The following DENND1C variants were observed in gnomAD, a reference collection of about 807,000 sequenced individuals.
DENND1C encodes the protein DENN domain containing 1C.
DENND1C carries 64 observed loss-of-function variants against 87.9 expected under a neutral mutation model. The observed-to-expected ratio is 0.73, with a 90% confidence interval of 0.60 to 0.90. The LOEUF is 0.90. Among genes scored for constraint, DENND1C ranks in the 40% least tolerant of loss-of-function variants. DENND1C has a pLI of 0.00. For missense variants in DENND1C, 980 were observed against 1,037.0 expected, an observed-to-expected ratio of 0.95 and a Z score of 0.76; for synonymous variants, 384 against 424.4, an observed-to-expected ratio of 0.90 and a Z score of 1.17.
intron 17 of DENND1C, 59 bp from the exon 18 acceptor site, chr19:6,470,425 C>T: frequency 6.5e-7 from 1 of 1,546,370 alleles, no homozygotes; most frequent in South Asian, 1.2e-5. Flanking sequence ...CTCCCCATCC[C>T]AGGTTGTGTG....
chr19:6,480,217 T>G, intron 1 of DENND1C, 166 bp from the exon 2 acceptor site: 1 of 1,466,176 alleles, frequency 6.8e-7, no homozygotes, highest in African/African-American at 1.4e-5. Context: ...TGAGGCTGTG[T>G]GTGCAGCAGT....
rs746111504 is a variant in DENND1C, at chr19:6,477,278, G to T, written c.453C>A (p.Ser151Arg). 4.4e-6 allele frequency: 7 copies of T among 1,590,174 alleles called. No individual in the cohort carries two copies. The highest frequency in any genetic ancestry group is 6.0e-6 in the Non-Finnish European group (7 of 1,164,788). ...CCTGCCCGCTGGAGACCGTCACTCC[G>T]CTGCCCTGGGGAAGAGGCACGACTC... ...PQASVGLELG[S>R]GVTVSSGQGI... The change falls in exon 8 of 23, where the codon AGC (serine) becomes AGA (arginine). Residue 151 changes from serine (S) to arginine (R), a missense_variant. By Grantham distance (110) the Ser-to-Arg change is moderately radical (BLOSUM62 -1). Coordinates refer to ENST00000381480, the MANE Select transcript of DENND1C (RefSeq NM_024898.4).
rs760845169 is a variant in DENND1C, at chr19:6,475,355, G to A, written c.972C>T (p.Pro324=). ...GGAAGAGACGGGACACCCCTTCCCCGGGGGCCAGGGCGACCTTCCTGAGCC... is the reference window on the plus strand; with the variant it reads ...GGAAGAGACGGGACACCCCTTCCCCAGGGGCCAGGGCGACCTTCCTGAGCC... ...RLRLRKVALA[P]GEGVSRLFLK... The change falls in exon 14 of 23, where the codon CCC becomes CCT. Residue 324 remains proline (P), a synonymous_variant. Coordinates refer to ENST00000381480, the MANE Select transcript of DENND1C (RefSeq NM_024898.4). 4 of 1,612,124 alleles carry A rather than the reference G, an allele frequency of 2.5e-6. No homozygotes were observed. Among genetic ancestry groups the A allele is most frequent in the African/African-American group, 1.3e-5 (1 of 75,008 alleles).
intron 18 of DENND1C, chr19:6,470,017 A>T: frequency 2.3e-6 from 1 of 439,656 alleles, no homozygotes; most frequent in Non-Finnish European, 4.1e-6. Flanking sequence ...AAGGACAAAA[A>T]GAATGTTTGC....
chr19:6,481,276 C>A (rs547860295), intron 1 of DENND1C, among the ~76,000 whole-genome samples: 1 of 151,848 alleles, frequency 6.6e-6, no homozygotes, highest in African/African-American at 2.4e-5. Flanking sequence ...CATGGGTACC[C>A]CAGCACTTCA....
At chr19:6,469,029 G>A (rs2092813438) in intron 19 of DENND1C, 76 bp from the exon 20 acceptor site, 5 of 832,396 alleles carry the variant, frequency 6.0e-6, no homozygotes, top group Non-Finnish European at 8.0e-6. Flanking sequence ...TCTTTAGTTA[G>A]TCTTTTTTTT....
chr19:6,475,013 GGAACAGAGT>G (rs1198874212), intron 14 of DENND1C, among the ~76,000 whole-genome samples: 3 of 151,796 alleles, frequency 2.0e-5, no homozygotes, highest in African/African-American at 7.3e-5. Context: ...TCCAGCCTGG[GGAACAGAGT>G]GAAACTCTGT....
intron 1 of DENND1C, chr19:6,480,472 A>G (rs1167339756): frequency 4.1e-6 from 4 of 984,444 alleles, no homozygotes; most frequent in Admixed American, 6.2e-5. Context: ...CTCTATATAT[A>G]TATCCATCTA....
At chr19:6,471,230 C>A in intron 17 of DENND1C, 35 bp downstream of exon 17, 1 of 1,562,878 alleles carries the variant, frequency 6.4e-7, no homozygotes, top group East Asian at 2.4e-5. Flanking sequence ...CAGGCCTAAG[C>A]CAACGCCCAC....
At position 6,480,539 on chromosome 19, in the gene DENND1C, C is replaced by T. The variant is rs559024275; in HGVS notation, c.18-488G>A. The T allele has an allele frequency of 3.7e-3, 3,044 of 833,308 alleles. 13 individuals are homozygous for T. The highest frequency in any genetic ancestry group is 4.1e-3 in the Non-Finnish European group (2,831 of 692,784). The allele number at this position is 833,308 out of a possible 1,614,324, so 51.6% of individuals were successfully genotyped here. A position where few individuals can be genotyped will look rare whatever the true frequency, so the allele number is the denominator to read the frequency against. On this transcript the variant is annotated intron_variant, in intron 1 of 22. Coordinates refer to ENST00000381480, the MANE Select transcript of DENND1C (RefSeq NM_024898.4). ...CCATCCATCCATCCACCCACCCACC[C>T]ACCTATCCATCCACCCACCCACCTA...
At chr19:6,471,677 C>G (rs1318023194) in intron 15 of DENND1C, among the ~76,000 whole-genome samples, 181 bp from the exon 16 acceptor site, 1 of 152,176 alleles carries the variant, frequency 6.6e-6, no homozygotes, top group Non-Finnish European at 1.5e-5. Flanking sequence ...TGGAGTTGCT[C>G]TGGCACCCAG....
At position 6,480,260 on chromosome 19, in the gene DENND1C, A is replaced by C. The variant is rs867968587; in HGVS notation, c.18-209T>G. 54 of 1,438,676 alleles carry C rather than the reference A, an allele frequency of 3.8e-5. No individual in the cohort carries two copies. In the Middle Eastern group the frequency reaches 1.0e-3, roughly 27 times the overall value. 89.1% of individuals were successfully genotyped at this position (1,438,676 alleles called of 1,614,324 possible). A position where few individuals can be genotyped will look rare whatever the true frequency, so the allele number is the denominator to read the frequency against. On this transcript the variant is annotated intron_variant, in intron 1 of 22. Coordinates refer to ENST00000381480, the MANE Select transcript of DENND1C (RefSeq NM_024898.4). ...GAACACACAAGTACAGGATGGAGTG[A>C]GAAAGTGTGACTGTGTGTGTGTGGC...
chr19:6,467,550 C>T lies in DENND1C; in HGVS notation c.2360G>A (p.Ser787Asn). The T allele has an allele frequency of 6.2e-7, 1 of 1,608,908 alleles. No homozygotes were observed. The highest frequency in any genetic ancestry group is 1.1e-5 in the South Asian group (1 of 90,432). The change falls in exon 23 of 23, where the codon AGC becomes AAC. Residue 787 changes from serine (S) to asparagine (N), a missense_variant. Physicochemically the swap from Ser to Asn is conservative, Grantham distance 46. Transcript: ENST00000381480. Reference sequence around the variant, plus strand: ...AAGATCAGCGACTCTGGGCCGGCTGCTGGGCTGGGACTTTTGACAGTTGCT... The same window carrying T: ...AAGATCAGCGACTCTGGGCCGGCTGTTGGGCTGGGACTTTTGACAGTTGCT... The part of the protein sequence containing the change: ...PTSNCQKSQP[S>N]SRPRVADLKK...
rs374803576 is a variant in DENND1C, at chr19:6,477,130, G to T, written c.514-3C>A. 3 of 1,603,984 alleles carry T rather than the reference G, an allele frequency of 1.9e-6. No individual in the cohort carries two copies. Among genetic ancestry groups the T allele is most frequent in the Non-Finnish European group, 1.7e-6 (2 of 1,175,516 alleles). The stretch of plus-strand genomic sequence containing the variant: ...TCCGGGGCCACGAAGCAGGAAAGCT[G>T]GTGGGGGTATTGGCAGGGGGATCAA... On this transcript the variant is annotated splice_polypyrimidine_tract_variant and splice_region_variant and intron_variant, in intron 8 of 22. Transcript: ENST00000381480.
rs370645743 is a variant in DENND1C, at chr19:6,479,818, C to T, written c.126+41G>A. 12 of 1,613,586 alleles carry T rather than the reference C, an allele frequency of 7.4e-6. No individual in the cohort carries two copies. In the Admixed American group the frequency reaches 1.0e-4, roughly 13 times the overall value. On this transcript the variant is annotated intron_variant, in intron 3 of 22. Transcript: ENST00000381480. Reference sequence around the variant, plus strand: ...AACCAAGTCCCCTCCCCCTGGGAGACTGGCCCTCGCCCTGGGGGAGCAAGG... The same window carrying T: ...AACCAAGTCCCCTCCCCCTGGGAGATTGGCCCTCGCCCTGGGGGAGCAAGG...
At chr19:6,478,499 G>A (rs1249739851) in intron 6 of DENND1C, among the ~76,000 whole-genome samples, 4 of 149,926 alleles carry the variant, frequency 2.7e-5, no homozygotes, top group Admixed American at 6.7e-5. Flanking sequence ...CAGGTGATCC[G>A]CTCGCCTTGT....
rs746690717 is a variant in DENND1C at position 6,468,618 on chromosome 19, G to A, written c.1543C>T (p.Arg515Cys). ...TCGGAAGTTCCCTCTTCCAGCTGGC[G>A]TCTCCTGCTGGGGCGAAGGGGCCGG... is the stretch of plus-strand genomic sequence containing the variant. ...KNRPLRPSRR[R>C]QLEEGTSEPP... is the part of the protein sequence containing the mutation. The change falls in exon 21 of 23, where the codon CGC (arginine) becomes TGC (cysteine). Residue 515 changes from arginine (R) to cysteine (C), a missense_variant. By Grantham distance (180) the Arg-to-Cys change is radical. Transcript: ENST00000381480. 19 of 1,503,532 alleles carry A rather than the reference G, an allele frequency of 1.3e-5. No individual in the cohort carries two copies. The highest frequency in any genetic ancestry group is 7.2e-5 in the East Asian group (3 of 41,954). The allele number at this position is 1,503,532 out of a possible 1,614,324, so 93.1% of individuals were successfully genotyped here. A position where few individuals can be genotyped will look rare whatever the true frequency, so the allele number is the denominator to read the frequency against.
intron 18 of DENND1C, 177 bp from the exon 19 acceptor site, chr19:6,469,817 T>C (rs1599378029): frequency 4.8e-6 from 3 of 631,108 alleles, no homozygotes; most frequent in East Asian, 5.6e-5. Flanking sequence ...CTTTGACTAA[T>C]ATAAAATGAG....
At chr19:6,469,955 G>A (rs1599378141) in intron 18 of DENND1C, 1 of 470,490 alleles carries the variant, frequency 2.1e-6, no homozygotes, top group East Asian at 3.6e-5. Context: ...ATTGGCCCCA[G>A]GAAACTTCTG....
Sources: allele counts gnomAD v4.1 joint callset (sites outside exome capture counted in the v4.1 genomes callset), GRCh38; gene constraint gnomAD v4.1.1; transcripts MANE v1.5; gene names NCBI Gene and HGNC (gene_info 2026-07-23, HGNC 2026-07-21).